Variants in C12orf76 observed in about 807,000 individuals in gnomAD.
The protein encoded by C12orf76 is uncharacterized protein C12orf76.
A neutral mutation model predicts 6.8 loss-of-function variants in C12orf76; 6 were observed. That is an observed-to-expected ratio of 0.88 (90% CI 0.48 to 1.73). The LOEUF is 1.73. C12orf76 is among the 40% of genes most tolerant of loss of function. The pLI, the probability that C12orf76 is intolerant of heterozygous loss-of-function variation, is 0.01. For missense variants in C12orf76, 99 were observed against 98.2 expected (o/e 1.01, Z -0.03); for synonymous variants, 56 against 43.7 (o/e 1.28, Z -1.11).
At chr12:110,064,908 GC>G (rs993766874) in intron 2 of C12orf76, among the ~76,000 whole-genome samples, 4 of 152,176 alleles carry the variant, frequency 2.6e-5, no homozygotes, top group African/African-American at 9.7e-5. Flanking sequence ...CTCCATCCTT[GC>G]CCCTCAAAAC....
upstream of C12orf76, among the ~76,000 whole-genome samples, chr12:110,068,306 A>AGAAGAAGAAGAG: frequency 6.8e-6 from 1 of 146,106 alleles, no homozygotes; most frequent in South Asian, 2.2e-4. Context: ...AAGAAGAAGA[A>AGAAGAAGAAGAG]GAAGAAGAAG....
chr12:110,070,291 C>T (rs927699480), upstream of C12orf76, among the ~76,000 whole-genome samples: 6 of 141,656 alleles, frequency 4.2e-5, no homozygotes, highest in South Asian at 2.3e-4. Context: ...AGGTCAGGAA[C>T]GGTGGTTCAC....
chr12:110,065,578 G>C (rs1354219459), intron 2 of C12orf76, among the ~76,000 whole-genome samples: 2 of 152,034 alleles, frequency 1.3e-5, no homozygotes, highest in African/African-American at 4.8e-5. Context: ...ACACATCCCA[G>C]CTTTGTCCAC....
At chr12:110,048,758 C>T, upstream of C12orf76, 1 of 912,260 alleles carries the variant, frequency 1.1e-6, no homozygotes, top group Non-Finnish European at 1.4e-6. Flanking sequence ...TACCGTTCTG[C>T]TGTGGTTAGC....
intron 2 of C12orf76, among the ~76,000 whole-genome samples, chr12:110,065,344 T>C (rs1446956104): frequency 1.3e-5 from 2 of 152,018 alleles, no homozygotes; most frequent in African/African-American, 2.4e-5. Context: ...CTAATTTTTG[T>C]ATTTTTAGTA....
chr12:110,061,255 A>G (rs1892767037), intron 2 of C12orf76, among the ~76,000 whole-genome samples: 1 of 152,054 alleles, frequency 6.6e-6, no homozygotes, highest in South Asian at 2.1e-4. Context: ...CTATCCCAGC[A>G]AGTTATTCCA....
At chr12:110,061,083 CAAAAAAAA>C (rs34382276) in intron 2 of C12orf76, among the ~76,000 whole-genome samples, 1 of 84,294 alleles carries the variant, frequency 1.2e-5, no homozygotes, top group Non-Finnish European at 2.5e-5. Context: ...GACTCTGACT[CAAAAAAAA>C]AAAAAAAAAA....
chr12:110,070,864 T>G (rs2137243520), upstream of C12orf76, among the ~76,000 whole-genome samples: 1 of 152,272 alleles, frequency 6.6e-6, no homozygotes, highest in East Asian at 1.9e-4. Flanking sequence ...AACCTCCACC[T>G]CCCAGATTCA....
At chr12:110,068,566 A>G (rs1402772745), upstream of C12orf76, among the ~76,000 whole-genome samples, 5 of 152,212 alleles carry the variant, frequency 3.3e-5, no homozygotes, top group African/African-American at 9.6e-5. Flanking sequence ...TCCTATCTAC[A>G]TAAACCTGCA....
chr12:110,066,287 T>G (rs1185388958), intron 1 of C12orf76, among the ~76,000 whole-genome samples: 2 of 133,868 alleles, frequency 1.5e-5, no homozygotes, highest in African/African-American at 2.9e-5. Flanking sequence ...CAGAATCACG[T>G]GAATCCAGGG....
At chr12:110,073,299 T>C (rs1892983016) in intron 1 of C12orf76, 2 of 445,520 alleles carry the variant, frequency 4.5e-6, no homozygotes, top group East Asian at 1.4e-4. Flanking sequence ...CGGTTTGCTG[T>C]GAAAGCACGT....
At chr12:110,048,573 T>C, upstream of C12orf76, 3 of 1,340,062 alleles carry the variant, frequency 2.2e-6, no homozygotes, top group Non-Finnish European at 1.9e-6. Flanking sequence ...TCTCTCTGCG[T>C]CGCTGCCACC....
chr12:110,059,161 T>C (rs1407578224), exon 3 of C12orf76: 1 of 1,542,096 alleles, frequency 6.5e-7, no homozygotes, highest in South Asian at 1.2e-5. Context: ...CAAATGTTCC[T>C]TGCTGGTGTA....
chr12:110,044,547 GAAAAC>G (rs1271839937), intron 1 of C12orf76: 6 of 153,116 alleles, frequency 3.9e-5, no homozygotes, highest in Non-Finnish European at 7.4e-5. Context: ...TCAAAAAAAA[GAAAAC>G]AAAACAAAAG....
intron 1 of C12orf76, among the ~76,000 whole-genome samples, chr12:110,046,906 C>T (rs986771917): frequency 1.3e-5 from 2 of 152,004 alleles, no homozygotes; most frequent in African/African-American, 2.4e-5. Context: ...TATCATAGCC[C>T]CCCCACTGCC....
Position 110,043,875 on chromosome 12 carries a change from A to AAC in C12orf76, c.134-1417_134-1416insGT, listed in dbSNP as rs557367498. On this transcript the variant is annotated intron_variant, in intron 1 of 1. Transcript: ENST00000615315. The stretch of plus-strand genomic sequence containing the variant: ...GTCTCAAAAAAAAACAAAAACAAAA[A>AAC]AAAAAATGTTACGTTTTTAAGACTA... Among the ~76,000 whole-genome samples the AAC allele has an allele frequency of 8.4e-3, 1,271 of 152,006 alleles. 3 individuals are homozygous for AAC. Among genetic ancestry groups the AAC allele is most frequent in the Non-Finnish European group, 9.4e-3 (642 of 67,964 alleles).
rs982442987 is a variant in C12orf76, at chr12:110,054,686, T to G, written n.664+2503A>C. ...TGTTCATGTTTACAGTGGTTAATTTTGTGTTATATGAACTTCACCCCAATA... is the reference window on the plus strand; with the variant it reads ...TGTTCATGTTTACAGTGGTTAATTTGGTGTTATATGAACTTCACCCCAATA... On this transcript the variant is annotated intron_variant and non_coding_transcript_variant, in intron 4 of 4. Transcript: ENST00000309050. The surrounding 1 kb of genome is among the most constrained non-coding windows in gnomAD (Gnocchi z 4.4). 6.6e-6 allele frequency among the ~76,000 whole-genome samples: 1 copy of G among 152,250 alleles called. No individual in the cohort carries two copies. The highest frequency in any genetic ancestry group is 1.5e-5 in the Non-Finnish European group (1 of 68,044).
At chr12:110,055,435 G>A (rs1312733534) in intron 4 of C12orf76, among the ~76,000 whole-genome samples, 1 of 152,086 alleles carries the variant, frequency 6.6e-6, no homozygotes, top group Non-Finnish European at 1.5e-5. Flanking sequence ...TCGAACTCCT[G>A]ACTTCAGGTG....
chr12:110,072,276 A>G (rs1002488257), upstream of C12orf76, among the ~76,000 whole-genome samples: 1 of 151,946 alleles, frequency 6.6e-6, no homozygotes, highest in African/African-American at 2.4e-5. Flanking sequence ...AAAAAAAAAA[A>G]GTAATGAAGT....
Sources: gnomAD v4.1 joint callset for allele counts (sites outside exome capture counted in the v4.1 genomes callset) on GRCh38, gnomAD v4.1.1 for gene constraint, Gnocchi (gnomAD v3.1) non-coding constraint, MANE v1.5 for transcripts, NCBI Gene and HGNC (gene_info 2026-07-23, HGNC 2026-07-21) for gene names.